GOLGB1: variants seen among roughly 807,000 people sequenced by gnomAD.
GOLGB1 encodes the protein golgin B1.
A neutral mutation model predicts 336.9 loss-of-function variants in GOLGB1; 174 were observed. The ratio of observed to expected loss-of-function variants is 0.52; its 90% CI spans 0.46 to 0.59. The LOEUF is 0.59. GOLGB1 is among the 20% of genes least tolerant of loss of function. GOLGB1 has a pLI of 0.00. For synonymous variants in GOLGB1, 1,208 were observed against 1,289.2 expected, an observed-to-expected ratio of 0.94 and a Z score of 1.35; for missense variants, 3,331 against 3,645.3, an observed-to-expected ratio of 0.91 and a Z score of 2.22.
intron 1 of GOLGB1, among the ~76,000 whole-genome samples, chr3:121,736,836 A>G (rs1946502544): frequency 6.6e-6 from 1 of 152,154 alleles, no homozygotes; most frequent in Non-Finnish European, 1.5e-5. Context: ...CCTGGGAGAC[A>G]GAGGTTGCAG....
At position 121,692,479 on chromosome 3, in the gene GOLGB1, C is replaced by G. The variant is rs536472613; in HGVS notation, c.6885G>C (p.Leu2295Phe). Reference protein sequence around the residue: ...DTLQGENKELLSQLEETRHLY... With the variant: ...DTLQGENKELFSQLEETRHLY... ...GGTGGCGTGTCTCTTCTAGCTGGGA[C>G]AAAAGTTCTTTGTTTTCCCCCTGTA... is the stretch of plus-strand genomic sequence containing the variant. Residue 2295 changes from leucine to phenylalanine, a missense_variant, in exon 14 of 22, where the codon TTG becomes TTC. By Grantham distance (22) the Leu-to-Phe change is conservative. Coordinates refer to ENST00000614479, the MANE Select transcript of GOLGB1 (RefSeq NM_001366282.2). The G allele has an allele frequency of 6.2e-7, 1 of 1,613,992 alleles. No homozygotes were observed. Among genetic ancestry groups the G allele is most frequent in the Non-Finnish European group, 8.5e-7 (1 of 1,179,910 alleles).
In GOLGB1 at chr3:121,691,299, A is replaced by C. The variant is rs2107780525; in HGVS notation, c.8065T>G (p.Leu2689Val). The C allele has an allele frequency of 1.2e-6, 2 of 1,613,224 alleles. No individual in the cohort carries two copies. Among genetic ancestry groups the C allele is most frequent in the East Asian group, 2.2e-5 (1 of 44,870 alleles). The change falls in exon 14 of 22, where the codon TTA becomes GTA. Residue 2689 changes from leucine (L) to valine (V), a missense_variant. Physicochemically the swap from Leu to Val is conservative, Grantham distance 32. Coordinates refer to ENST00000614479, the MANE Select transcript of GOLGB1 (RefSeq NM_001366282.2). The stretch of plus-strand genomic sequence containing the variant: ...CCTGCATCATGATGAAGATGCTTTA[A>C]TTCTTTCTTCAGTTTATCTTCAATT... Reference protein sequence around the residue: ...GEIEDKLKKELKHLHHDAGIM... With the variant: ...GEIEDKLKKEVKHLHHDAGIM...
intron 1 of GOLGB1, 32 bp from the exon 2 acceptor site, chr3:121,731,005 GA>G: frequency 6.3e-7 from 1 of 1,599,136 alleles, no homozygotes; most frequent in Non-Finnish European, 8.5e-7. Flanking sequence ...AAAAACCTAA[GA>G]ATCAGCAAAA....
At chr3:121,721,322 C>T (rs1164138505) in intron 6 of GOLGB1, among the ~76,000 whole-genome samples, 1 of 151,944 alleles carries the variant, frequency 6.6e-6, no homozygotes, top group Non-Finnish European at 1.5e-5. Flanking sequence ...GATTCATAAG[C>T]ATTCCCCCAC....
At chr3:121,723,713 T>A (rs1290820830) in intron 5 of GOLGB1, among the ~76,000 whole-genome samples, 1 of 152,078 alleles carries the variant, frequency 6.6e-6, no homozygotes, top group Admixed American at 6.6e-5. Flanking sequence ...ATAAACCAAG[T>A]GAAGGGCAGA....
chr3:121,730,213 C>T, intron 2 of GOLGB1, 196 bp from the exon 3 acceptor site: 2 of 465,624 alleles, frequency 4.3e-6, no homozygotes, highest in Non-Finnish European at 3.8e-6. Flanking sequence ...AAGCATTTTA[C>T]AAACATTATC....
At chr3:121,735,622 A>G (rs966042732) in intron 1 of GOLGB1, among the ~76,000 whole-genome samples, 12 of 152,346 alleles carry the variant, frequency 7.9e-5, no homozygotes, top group Admixed American at 7.2e-4. Context: ...GTTACAAATA[A>G]GGCAAGAAAG....
At position 121,691,914 on chromosome 3, in the gene GOLGB1, C is replaced by T. The variant is rs1353199802; in HGVS notation, c.7450G>A (p.Asp2484Asn). ...TGTCGCTCTTCCAGCTGTTGATAGT[C>T]ACCCACTATGCGGTCTCGATCATTT... ...LQNDRDRIVG[D>N]YQQLEERHLS... Residue 2484 changes from aspartate (D) to asparagine (N), a missense_variant, in exon 14 of 22, where the codon GAC becomes AAC. Coordinates refer to ENST00000614479, the MANE Select transcript of GOLGB1 (RefSeq NM_001366282.2). 1.2e-6 allele frequency: 2 copies of T among 1,614,022 alleles called. No individual in the cohort carries two copies. Among genetic ancestry groups the T allele is most frequent in the East Asian group, 2.2e-5 (1 of 44,884 alleles).
At chr3:121,684,137 A>AAAAAAAAAAAAAAAAC in intron 14 of GOLGB1, among the ~76,000 whole-genome samples, 2 of 148,778 alleles carry the variant, frequency 1.3e-5, no homozygotes, top group Non-Finnish European at 3.0e-5. Context: ...CAAAAAAAAA[A>AAAAAAAAAAAAAAAAC]AAAAAAAAAA....
Position 121,695,363 on chromosome 3 carries a change from T to C in GOLGB1, c.5160A>G (p.Glu1720=). The change falls in exon 13 of 22, where the codon GAA becomes GAG. Residue 1720 remains glutamate (E), a synonymous_variant. Coordinates refer to ENST00000614479, the MANE Select transcript of GOLGB1 (RefSeq NM_001366282.2). ...TGCTGGCATTGGAAGAAAGAAGTGT[T>C]TCCATACACTCTTTAGCTGTATCTC... ...PAGDTAKECM[E]TLLSSNASMK... 6.2e-7 allele frequency: 1 copy of C among 1,614,022 alleles called. No homozygotes were observed. Among genetic ancestry groups the C allele is most frequent in the Non-Finnish European group, 8.5e-7 (1 of 1,179,916 alleles).
In GOLGB1 at chr3:121,716,729, C is replaced by T. The variant is rs1355599029; in HGVS notation, c.1288+8G>A. On this transcript the variant is annotated splice_region_variant and intron_variant, in intron 9 of 21. Transcript: ENST00000614479. ...AGATGTGGACTTCAAAAGCAATCAG[C>T]TACTGACCTTCCAGTTGCTGAATGG... 6.3e-7 allele frequency: 1 copy of T among 1,599,260 alleles called. No individual in the cohort carries two copies. Among genetic ancestry groups the T allele is most frequent in the Admixed American group, 1.7e-5 (1 of 58,144 alleles).
At chr3:121,681,942 C>A in intron 14 of GOLGB1, 77 bp from the exon 15 acceptor site, 1 of 955,340 alleles carries the variant, frequency 1.0e-6, no homozygotes. Context: ...TAGCTCCCTA[C>A]TAAGTAGTCA....
chr3:121,745,799 C>T (rs1947246148), intron 1 of GOLGB1, among the ~76,000 whole-genome samples: 1 of 152,158 alleles, frequency 6.6e-6, no homozygotes, highest in Non-Finnish European at 1.5e-5. Context: ...ATGCTGGTCA[C>T]AGCTTTCACA....
rs1943051390 is a variant in GOLGB1, at chr3:121,697,553, C to G, written c.2970G>C (p.Lys990Asn). 2 of 1,613,726 alleles carry G rather than the reference C, an allele frequency of 1.2e-6. No individual in the cohort carries two copies. The highest frequency in any genetic ancestry group is 1.7e-6 in the Non-Finnish European group (2 of 1,179,932). ...TTCTCTTTCTCTGCTCATTTTCTTT[C>G]TTCAGAAGGTCAAATTCATGCTGAA... Reference protein sequence around the residue: ...EELQHEFDLLKKENEQRKRKL... With the variant: ...EELQHEFDLLNKENEQRKRKL... The change falls in exon 13 of 22, where the codon AAG (lysine) becomes AAC (asparagine). Residue 990 changes from lysine to asparagine, a missense_variant. Coordinates refer to ENST00000614479, the MANE Select transcript of GOLGB1 (RefSeq NM_001366282.2).
At chr3:121,689,114 G>A (rs969457294) in intron 14 of GOLGB1, among the ~76,000 whole-genome samples, 5 of 151,826 alleles carry the variant, frequency 3.3e-5, no homozygotes, top group Non-Finnish European at 5.9e-5. Flanking sequence ...GAGGTGAGGG[G>A]CACCTCTGCC....
In GOLGB1 at chr3:121,730,882, T is replaced by G. The variant is rs368411279; in HGVS notation, c.90A>C (p.Leu30=). ...TCAGAACAGAACTACTCACAGGGTC[T>G]AGGGGAGCCCTCATATTCTGATCAG... ...DDTDQNMRAP[L]DPELHQESDM... Residue 30 remains leucine, a synonymous_variant, in exon 2 of 22, where the codon CTA becomes CTC. Coordinates refer to ENST00000614479, the MANE Select transcript of GOLGB1 (RefSeq NM_001366282.2). 3 of 1,612,228 alleles carry G rather than the reference T, an allele frequency of 1.9e-6. No individual in the cohort carries two copies. The South Asian group carries it at 3.3e-5, about 18-fold the overall frequency.
chr3:121,675,776 T>G (rs1174355778), intron 17 of GOLGB1, among the ~76,000 whole-genome samples: 1 of 152,240 alleles, frequency 6.6e-6, no homozygotes, highest in Non-Finnish European at 1.5e-5. Context: ...TTTTTTTTAG[T>G]TGTTGCCCAC....
At position 121,698,848 on chromosome 3, in the gene GOLGB1, G is replaced by A; in HGVS notation, c.1675C>T (p.Gln559Ter). 2 of 1,610,832 alleles carry A rather than the reference G, an allele frequency of 1.2e-6. No individual in the cohort carries two copies. The highest frequency in any genetic ancestry group is 1.7e-6 in the Non-Finnish European group (2 of 1,177,936). The change falls in exon 13 of 22, where the codon CAG (glutamine) becomes TAG (stop). Residue 559 changes from glutamine (Q) to a stop codon, truncating the protein, a stop_gained. Coordinates refer to ENST00000614479, the MANE Select transcript of GOLGB1 (RefSeq NM_001366282.2). LOFTEE classifies it high-confidence loss of function. The part of the protein sequence containing the change: ...GQDVLENTFS[Q>*]KHKELSVLLL... ...AAAACTGATAATTCTTTATGTTTCT[G>A]AGAAAATGTGTTTTCTAGAACATCT... is the stretch of plus-strand genomic sequence containing the variant.
intron 17 of GOLGB1, among the ~76,000 whole-genome samples, chr3:121,671,903 T>G (rs1000654227): frequency 6.6e-6 from 1 of 152,182 alleles, no homozygotes; most frequent in Non-Finnish European, 1.5e-5. Flanking sequence ...ATATTTGTCT[T>G]TCTGTTCTTG....
Sources: gnomAD v4.1 joint callset for allele counts (sites outside exome capture counted in the v4.1 genomes callset) on GRCh38, gnomAD v4.1.1 for gene constraint, MANE v1.5 for transcripts, NCBI Gene and HGNC (gene_info 2026-07-23, HGNC 2026-07-21) for gene names.